The following ARHGAP6 variants were observed in gnomAD, a reference collection of about 807,000 sequenced individuals.
The protein encoded by ARHGAP6 is rho GTPase-activating protein 6.
ARHGAP6 carries 16 observed loss-of-function variants against 55.7 expected under a neutral mutation model. The ratio of observed to expected loss-of-function variants is 0.29; its 90% CI spans 0.19 to 0.44. The LOEUF (loss-of-function observed/expected upper bound fraction) is 0.44, where lower values mean the gene tolerates loss of function less well. Ranked by LOEUF, ARHGAP6 falls within the 20% of genes least tolerant of loss-of-function variation. ARHGAP6 has a pLI of 1.00. For missense variants in ARHGAP6, 698 were observed against 808.9 expected, an observed-to-expected ratio of 0.86 and a Z score of 1.66; for synonymous variants, 382 against 360.9, an observed-to-expected ratio of 1.06 and a Z score of -0.66.
chrX:11,205,983 ATGAG>A (rs1027793832), intron 2 of ARHGAP6, among the ~76,000 whole-genome samples: 1 of 112,060 alleles, frequency 8.9e-6, no homozygotes, highest in African/African-American at 3.2e-5. Flanking sequence ...TAATGACTGA[ATGAG>A]TGAATGAATG....
At chrX:11,492,484 A>C in intron 1 of ARHGAP6, among the ~76,000 whole-genome samples, 2 of 111,864 alleles carry the variant, frequency 1.8e-5, no homozygotes, top group Middle Eastern at 9.3e-3. Flanking sequence ...CTATCTACTG[A>C]CCAAGTCCTA....
chrX:11,474,416 T>C (rs2050382588), intron 1 of ARHGAP6, among the ~76,000 whole-genome samples: 1 of 112,081 alleles, frequency 8.9e-6, no homozygotes, highest in Non-Finnish European at 1.9e-5. Flanking sequence ...CACCAAATTA[T>C]AAGTGGACCA....
intron 3 of ARHGAP6, among the ~76,000 whole-genome samples, chrX:11,193,149 C>A (rs2046483405): frequency 8.9e-6 from 1 of 112,356 alleles, no homozygotes; most frequent in Non-Finnish European, 1.9e-5. Context: ...AAATAACATA[C>A]AGGATATGAT....
At chrX:11,580,149 A>T (rs2051648757) in intron 1 of ARHGAP6, among the ~76,000 whole-genome samples, 1 of 112,082 alleles carries the variant, frequency 8.9e-6, no homozygotes, top group Admixed American at 9.5e-5. Context: ...AGCTACCAAA[A>T]CTAAACAAAC....
chrX:11,436,706 T>C (rs1432958129), intron 1 of ARHGAP6, among the ~76,000 whole-genome samples: 1 of 111,886 alleles, frequency 8.9e-6, no homozygotes, highest in Non-Finnish European at 1.9e-5. Flanking sequence ...TACTTGGCCA[T>C]TAAAAGGAAT....
At chrX:11,635,078 T>G (rs1243301882) in intron 1 of ARHGAP6, among the ~76,000 whole-genome samples, 1 of 112,341 alleles carries the variant, frequency 8.9e-6, no homozygotes, top group Non-Finnish European at 1.9e-5. Context: ...TGTGGACCTC[T>G]CCAGTATGAC....
intron 2 of ARHGAP6, among the ~76,000 whole-genome samples, chrX:11,211,353 C>A (rs904607603): frequency 5.6e-4 from 59 of 106,256 alleles, no homozygotes; most frequent in African/African-American, 2.0e-3. Context: ...TCCCGAGTAG[C>A]TGTGACTACA....
chrX:11,269,879 G>A (rs1300918741), intron 1 of ARHGAP6, among the ~76,000 whole-genome samples: 2 of 111,866 alleles, frequency 1.8e-5, no homozygotes, highest in East Asian at 5.6e-4. Flanking sequence ...TGATGCTACT[G>A]TGACCTATTT....
At chrX:11,332,599 T>C (rs1285679776) in intron 1 of ARHGAP6, among the ~76,000 whole-genome samples, 3 of 112,010 alleles carry the variant, frequency 2.7e-5, no homozygotes, top group Middle Eastern at 4.6e-3. Flanking sequence ...TAGACTAAAC[T>C]TTTTTATTTT....
chrX:11,324,984 G>A (rs1022604866), intron 1 of ARHGAP6, among the ~76,000 whole-genome samples: 4 of 110,961 alleles, frequency 3.6e-5, no homozygotes, highest in East Asian at 2.8e-4. Flanking sequence ...TCAGCCTCCC[G>A]AGTAGCTGGG....
intron 1 of ARHGAP6, among the ~76,000 whole-genome samples, chrX:11,404,630 T>C (rs938174225): frequency 1.3e-4 from 14 of 111,829 alleles, no homozygotes; most frequent in African/African-American, 3.9e-4. Flanking sequence ...TTATAAATGT[T>C]TTTCTAATCT....
chrX:11,472,266 G>A (rs1292513398), intron 1 of ARHGAP6, among the ~76,000 whole-genome samples: 1 of 111,354 alleles, frequency 9.0e-6, no homozygotes, highest in South Asian at 3.8e-4. Context: ...TCTCCAGATC[G>A]CCAAATTTGC....
chrX:11,305,902 G>T (rs1352193707), intron 1 of ARHGAP6, among the ~76,000 whole-genome samples: 3 of 112,112 alleles, frequency 2.7e-5, no homozygotes, highest in Non-Finnish European at 5.6e-5. Context: ...TGTAAGGAGA[G>T]AAGATGATTA....
chrX:11,414,652 G>A (rs1314902441), intron 1 of ARHGAP6, among the ~76,000 whole-genome samples: 1 of 111,571 alleles, frequency 9.0e-6, no homozygotes, highest in Admixed American at 9.6e-5. Flanking sequence ...TTCTGTGTGT[G>A]TACTTTAAGT....
chrX:11,553,842 C>T (rs1328679721), intron 1 of ARHGAP6, among the ~76,000 whole-genome samples: 2 of 111,830 alleles, frequency 1.8e-5, no homozygotes, highest in East Asian at 5.6e-4. Context: ...AGTAACTAGT[C>T]AAACTCCTTT....
chrX:11,225,401 A>G (rs2047032344), intron 2 of ARHGAP6, among the ~76,000 whole-genome samples: 1 of 111,381 alleles, frequency 9.0e-6, no homozygotes, highest in South Asian at 3.8e-4. Context: ...GGGTCATCAA[A>G]TACTCTTCAT....
At chrX:11,481,922 TAAG>T (rs1343909176) in intron 1 of ARHGAP6, among the ~76,000 whole-genome samples, 1 of 112,240 alleles carries the variant, frequency 8.9e-6, no homozygotes, top group Non-Finnish European at 1.9e-5. Context: ...ATTAACTCAC[TAAG>T]AATAAGAGTC....
intron 1 of ARHGAP6, among the ~76,000 whole-genome samples, chrX:11,408,051 T>G (rs994196142): frequency 4.5e-5 from 5 of 110,967 alleles, no homozygotes; most frequent in Non-Finnish European, 7.5e-5. Context: ...AGCAGTAAGA[T>G]TAATAACTAA....
chrX:11,241,297 C>G (rs181699035), intron 2 of ARHGAP6, among the ~76,000 whole-genome samples: 4 of 110,051 alleles, frequency 3.6e-5, no homozygotes, highest in Admixed American at 2.9e-4. Context: ...TCTGATTACC[C>G]TATCCCTTTT....
Sources: gnomAD v4.1 joint callset for allele counts (sites outside exome capture counted in the v4.1 genomes callset) on GRCh38, gnomAD v4.1.1 for gene constraint, MANE v1.5 for transcripts, NCBI Gene and HGNC (gene_info 2026-07-23, HGNC 2026-07-21) for gene names.